Variants in PUDP observed in about 807,000 individuals in gnomAD.
PUDP encodes the protein pseudouridine-5'-phosphatase.
A neutral mutation model predicts 9.4 loss-of-function variants in PUDP; 8 were observed. The ratio of observed to expected loss-of-function variants is 0.85; its 90% CI spans 0.50 to 1.53. PUDP has a LOEUF of 1.53. PUDP is among the 40% of genes most tolerant of loss of function. PUDP has a pLI of 0.00. For missense variants in PUDP, 188 were observed against 189.7 expected, an observed-to-expected ratio of 0.99 and a Z score of 0.05; for synonymous variants, 99 against 80.7, an observed-to-expected ratio of 1.23 and a Z score of -1.22.
intron 3 of PUDP, among the ~76,000 whole-genome samples, chrX:6,823,901 T>C (rs749595100): frequency 8.9e-6 from 1 of 112,624 alleles, no homozygotes; most frequent in East Asian, 2.8e-4. Context: ...TTTAGCATGC[T>C]AATGCATTAT....
chrX:6,916,944 C>A (rs1282502090), intron 3 of PUDP, among the ~76,000 whole-genome samples: 2 of 111,832 alleles, frequency 1.8e-5, no homozygotes, highest in Non-Finnish European at 3.8e-5. Context: ...TATATCTATG[C>A]AGATGTTCCT....
At chrX:6,714,983 A>ATG (rs1924583005) in intron 1 of PUDP, among the ~76,000 whole-genome samples, 2 of 96,319 alleles carry the variant, frequency 2.1e-5, no homozygotes, top group African/African-American at 9.9e-5. Context: ...GTGTGTGTGT[A>ATG]TATATATATA....
intron 3 of PUDP, among the ~76,000 whole-genome samples, chrX:7,063,965 T>C (rs1930477225): frequency 8.9e-6 from 1 of 112,217 alleles, no homozygotes; most frequent in South Asian, 3.7e-4. Flanking sequence ...TTAGATTATG[T>C]ATTCATAAGC....
In PUDP at chrX:7,121,095, C is replaced by T. The variant is rs545886847; in HGVS notation, c.62-15257G>A. Among the ~76,000 whole-genome samples the T allele has an allele frequency of 9.6e-4, 107 of 111,595 alleles. 3 individuals carry two copies. In the South Asian group the frequency reaches 0.038, roughly 40 times the overall value. On this transcript the variant is annotated intron_variant, in intron 1 of 3. Coordinates refer to ENST00000381077, the MANE Select transcript of PUDP (RefSeq NM_012080.5). ...ATGCCAAAACTGGTCACACAGTATA[C>T]TTTATGTGCAGTTTATTGTACTCCA...
intron 3 of PUDP, among the ~76,000 whole-genome samples, chrX:6,950,225 C>A (rs1461551705): frequency 9.7e-6 from 1 of 102,624 alleles, no homozygotes; most frequent in African/African-American, 3.6e-5. Flanking sequence ...GTAGTTCCAG[C>A]TACTCAGGAG....
At chrX:6,735,200 A>T (rs1483084026) in intron 3 of PUDP, among the ~76,000 whole-genome samples, 2 of 111,854 alleles carry the variant, frequency 1.8e-5, no homozygotes. Context: ...TACTCAGGGC[A>T]GGCTGGTTTC....
chrX:6,841,860 C>G (rs1249045736), intron 3 of PUDP, among the ~76,000 whole-genome samples: 1 of 110,648 alleles, frequency 9.0e-6, no homozygotes, highest in Non-Finnish European at 1.9e-5. Flanking sequence ...TTGAGAAAAC[C>G]CTGATTAACT....
downstream of PUDP, among the ~76,000 whole-genome samples, chrX:7,047,712 CA>C (rs745608038): frequency 2.7e-5 from 3 of 112,494 alleles, no homozygotes; most frequent in South Asian, 1.1e-3. Flanking sequence ...GCTTGTGAGA[CA>C]AAGAGTCTCA....
At chrX:6,927,402 A>G (rs948633321) in intron 3 of PUDP, among the ~76,000 whole-genome samples, 5 of 112,542 alleles carry the variant, frequency 4.4e-5, no homozygotes, top group African/African-American at 1.6e-4. Flanking sequence ...AGAAAAGAAC[A>G]TTCTTATATT....
intron 1 of PUDP, among the ~76,000 whole-genome samples, chrX:7,019,910 G>C (rs1246905083): frequency 9.0e-6 from 1 of 111,362 alleles, no homozygotes. Context: ...AATGAATTCA[G>C]ATGTAACATG....
chrX:6,878,778 T>TCCAA (rs1348371443), intron 3 of PUDP, among the ~76,000 whole-genome samples: 1 of 112,487 alleles, frequency 8.9e-6, no homozygotes, highest in Non-Finnish European at 1.9e-5. Flanking sequence ...CAGACCTGTT[T>TCCAA]CCAACAGTGG....
intron 3 of PUDP, among the ~76,000 whole-genome samples, chrX:6,961,405 A>G (rs1251049767): frequency 9.0e-6 from 1 of 110,830 alleles, no homozygotes; most frequent in East Asian, 2.8e-4. Context: ...AAAAAATAAA[A>G]AAGACTACCC....
chrX:6,914,667 G>T (rs1347003905), intron 3 of PUDP, among the ~76,000 whole-genome samples: 1 of 112,298 alleles, frequency 8.9e-6, no homozygotes, highest in Non-Finnish European at 1.9e-5. Flanking sequence ...AGGCAAAATT[G>T]TCTGTTTATG....
At chrX:6,740,957 G>A (rs1023573586) in intron 3 of PUDP, among the ~76,000 whole-genome samples, 2 of 111,290 alleles carry the variant, frequency 1.8e-5, no homozygotes, top group Non-Finnish European at 3.8e-5. Context: ...TCAGGAGTTC[G>A]AGACCAACCT....
chrX:6,954,031 G>A (rs1044601863), intron 3 of PUDP, among the ~76,000 whole-genome samples: 1 of 110,246 alleles, frequency 9.1e-6, no homozygotes, highest in African/African-American at 3.3e-5. Context: ...CCTTTGCTCT[G>A]CGCTTCTCCT....
intron 1 of PUDP, among the ~76,000 whole-genome samples, chrX:7,114,591 C>T (rs1932146050): frequency 1.8e-5 from 2 of 111,491 alleles, no homozygotes; most frequent in African/African-American, 3.3e-5. Context: ...AACGTTCAAA[C>T]CACACAGCAG....
chrX:6,706,144 A>G (rs180900231), intron 2 of PUDP, among the ~76,000 whole-genome samples: 11 of 112,407 alleles, frequency 9.8e-5, no homozygotes, highest in Middle Eastern at 4.6e-3. Context: ...ATAGAAACAA[A>G]AAGTAGATTC....
At chrX:6,914,617 T>C (rs1271584168) in intron 3 of PUDP, among the ~76,000 whole-genome samples, 2 of 112,083 alleles carry the variant, frequency 1.8e-5, no homozygotes. Flanking sequence ...CGTCTAGAAA[T>C]AGGCACGCTG....
At chrX:6,914,892 T>A (rs992266347) in intron 3 of PUDP, among the ~76,000 whole-genome samples, 2 of 111,593 alleles carry the variant, frequency 1.8e-5, no homozygotes, top group African/African-American at 6.5e-5. Context: ...AGAAGGAATC[T>A]TTTTTTTTCT....
Sources: gnomAD v4.1 joint callset for allele counts (sites outside exome capture counted in the v4.1 genomes callset) on GRCh38, gnomAD v4.1.1 for gene constraint, MANE v1.5 for transcripts, NCBI Gene and HGNC (gene_info 2026-07-23, HGNC 2026-07-21) for gene names.